ADGRB3: variants seen among roughly 807,000 people sequenced by gnomAD.
The protein encoded by ADGRB3 is adhesion G protein-coupled receptor B3.
Under a neutral mutation model 193.4 loss-of-function variants are expected in ADGRB3, and 37 were observed. The observed-to-expected ratio is 0.19, with a 90% confidence interval of 0.15 to 0.25. The LOEUF is 0.25. ADGRB3 is among the 10% of genes least tolerant of loss of function. The pLI is 1.00. For missense variants in ADGRB3, 1,637 were observed against 1,852.9 expected (o/e 0.88, Z 2.14); for synonymous variants, 690 against 644.2 (o/e 1.07, Z -1.08).
At chr6:68,737,216 G>A (rs1040406442) in intron 3 of ADGRB3, among the ~76,000 whole-genome samples, 1 of 152,034 alleles carries the variant, frequency 6.6e-6, no homozygotes. Flanking sequence ...TATAAGAATT[G>A]TATCAAATAA....
At chr6:68,691,018 T>G (rs1304388112) in intron 3 of ADGRB3, among the ~76,000 whole-genome samples, 1 of 152,102 alleles carries the variant, frequency 6.6e-6, no homozygotes, top group Non-Finnish European at 1.5e-5. Flanking sequence ...TGCAACATTA[T>G]TTTACACATA....
intron 20 of ADGRB3, among the ~76,000 whole-genome samples, chr6:69,313,657 C>T (rs1205161251): frequency 6.6e-6 from 1 of 151,658 alleles, no homozygotes; most frequent in Non-Finnish European, 1.5e-5. Flanking sequence ...AGGGCACAAA[C>T]CTACTGAAAA....
intron 3 of ADGRB3, among the ~76,000 whole-genome samples, chr6:68,761,896 G>A (rs564508061): frequency 6.6e-6 from 1 of 152,232 alleles, no homozygotes; most frequent in Non-Finnish European, 1.5e-5. Context: ...GAGAAGTGTT[G>A]TATGTGACCA....
chr6:69,361,878 C>T (rs1468639296), intron 29 of ADGRB3, among the ~76,000 whole-genome samples: 1 of 151,540 alleles, frequency 6.6e-6, no homozygotes, highest in Admixed American at 6.6e-5. Context: ...TCTCAGGTAC[C>T]ACAGGTCCTT....
At chr6:69,278,635 C>A (rs1270967910) in intron 20 of ADGRB3, among the ~76,000 whole-genome samples, 1 of 152,082 alleles carries the variant, frequency 6.6e-6, no homozygotes, top group Non-Finnish European at 1.5e-5. Context: ...CAAGCATGTT[C>A]AGGCAAAAAT....
chr6:69,165,028 C>A (rs1775095654), intron 17 of ADGRB3, among the ~76,000 whole-genome samples: 1 of 151,866 alleles, frequency 6.6e-6, no homozygotes, highest in Admixed American at 6.6e-5. Context: ...AGGCTTCACA[C>A]AGTCTCCTTA....
intron 20 of ADGRB3, among the ~76,000 whole-genome samples, chr6:69,263,011 T>C (rs887514334): frequency 3.9e-5 from 6 of 151,990 alleles, no homozygotes; most frequent in African/African-American, 1.2e-4. Context: ...TTTGCTTCAC[T>C]GGAAAGAGTT....
At chr6:68,653,040 CTA>C (rs1768404061) in intron 3 of ADGRB3, among the ~76,000 whole-genome samples, 1 of 152,098 alleles carries the variant, frequency 6.6e-6, no homozygotes, top group Admixed American at 6.5e-5. Flanking sequence ...TTGGCTCTGG[CTA>C]ATGAGTTGTG....
chr6:69,232,104 G>C lies in ADGRB3; in HGVS notation c.2481-1186G>C, dbSNP rs558046707. ...TGTGTTTTTCTCTTAGAGTTTTGAAGTAATTTTTAACACAGATAGTAACTT... is the reference window on the plus strand; with the variant it reads ...TGTGTTTTTCTCTTAGAGTTTTGAACTAATTTTTAACACAGATAGTAACTT... On this transcript the variant is annotated intron_variant, in intron 17 of 31. Transcript: ENST00000370598. Among the ~76,000 whole-genome samples the C allele has an allele frequency of 5.3e-4, 80 of 152,276 alleles. 1 individual carries two copies. Among genetic ancestry groups the C allele is most frequent in the Non-Finnish European group, 1.0e-3 (68 of 68,002 alleles).
At chr6:68,988,378 C>A (rs1769138528) in intron 10 of ADGRB3, among the ~76,000 whole-genome samples, 1 of 152,014 alleles carries the variant, frequency 6.6e-6, no homozygotes, top group South Asian at 2.1e-4. Context: ...TTTAAAGTGA[C>A]AGAATAGCAT....
intron 29 of ADGRB3, among the ~76,000 whole-genome samples, chr6:69,369,788 G>A (rs1769668294): frequency 6.6e-6 from 1 of 151,578 alleles, no homozygotes; most frequent in African/African-American, 2.4e-5. Context: ...ATAAATGATT[G>A]CACATTAGAA....
intron 17 of ADGRB3, among the ~76,000 whole-genome samples, chr6:69,153,315 T>A (rs940701737): frequency 6.6e-6 from 1 of 152,098 alleles, no homozygotes. Flanking sequence ...ACCTTTGAGA[T>A]CCAGGGAGTT....
chr6:68,669,693 T>G (rs951469732), intron 3 of ADGRB3, among the ~76,000 whole-genome samples: 8 of 151,038 alleles, frequency 5.3e-5, no homozygotes, highest in South Asian at 2.1e-4. Flanking sequence ...TGATGGCCAC[T>G]TAGGTTGCTT....
intron 3 of ADGRB3, among the ~76,000 whole-genome samples, chr6:68,837,867 G>T (rs578171727): frequency 6.6e-6 from 1 of 152,242 alleles, no homozygotes; most frequent in Non-Finnish European, 1.5e-5. Context: ...GATTTAGCCA[G>T]GTTTAAAATA....
intron 17 of ADGRB3, among the ~76,000 whole-genome samples, chr6:69,095,697 A>C (rs977837806): frequency 4.6e-5 from 7 of 152,186 alleles, no homozygotes; most frequent in Non-Finnish European, 8.8e-5. Context: ...AAAGACATTA[A>C]GTGACAAAGT....
intron 30 of ADGRB3, among the ~76,000 whole-genome samples, chr6:69,372,713 G>C (rs1769732061): frequency 1.3e-5 from 2 of 152,022 alleles, no homozygotes; most frequent in Admixed American, 1.3e-4. Context: ...TATGTTAGGA[G>C]TTGAACCTGG....
chr6:69,179,884 T>C (rs1582523282), intron 17 of ADGRB3, among the ~76,000 whole-genome samples: 1 of 152,338 alleles, frequency 6.6e-6, no homozygotes, highest in Middle Eastern at 3.4e-3. Context: ...CCTTGTTTAC[T>C]TGGAGAACCT....
chr6:68,838,822 A>T (rs1768093520), intron 3 of ADGRB3, among the ~76,000 whole-genome samples: 1 of 152,136 alleles, frequency 6.6e-6, no homozygotes, highest in Non-Finnish European at 1.5e-5. Flanking sequence ...GTTTGCATTT[A>T]TTTGTTTTTC....
At chr6:68,846,125 C>G (rs1049701969) in intron 3 of ADGRB3, among the ~76,000 whole-genome samples, 1 of 152,060 alleles carries the variant, frequency 6.6e-6, no homozygotes, top group Non-Finnish European at 1.5e-5. Flanking sequence ...GCATTTTGCC[C>G]CTGCCCTAGA....
Sources: allele counts gnomAD v4.1 joint callset (sites outside exome capture counted in the v4.1 genomes callset), GRCh38; gene constraint gnomAD v4.1.1; transcripts MANE v1.5; gene names NCBI Gene and HGNC (gene_info 2026-07-23, HGNC 2026-07-21).